ASCC2: variants seen among roughly 807,000 people sequenced by gnomAD.
The protein encoded by ASCC2 is ASC-1 complex subunit P100.
In ASCC2, 42 loss-of-function variants were observed where a neutral mutation model predicts 93.5. The ratio of observed to expected loss-of-function variants is 0.45; its 90% CI spans 0.35 to 0.58. ASCC2 has a LOEUF of 0.58. Among genes scored for constraint, ASCC2 ranks in the 20% least tolerant of loss-of-function variants. The pLI is 0.00. For synonymous variants in ASCC2, 364 were observed against 384.2 expected (o/e 0.95, Z 0.62); for missense variants, 859 against 977.6 (o/e 0.88, Z 1.62).
Position 29,792,492 on chromosome 22 carries a change from C to T in ASCC2, c.1963G>A (p.Glu655Lys). Reference protein sequence around the residue: ...PQVLRTKVPREGQEEDDDDEE... With the variant: ...PQVLRTKVPRKGQEEDDDDEE... ...TCGTCGTCATCCTCCTCCTGCCCTTCTCTAGGCACTTTGGTTCTCAGCACC... is the reference window on the plus strand; with the variant it reads ...TCGTCGTCATCCTCCTCCTGCCCTTTTCTAGGCACTTTGGTTCTCAGCACC... Residue 655 changes from glutamate to lysine, a missense_variant, in exon 18 of 20, where the codon GAA becomes AAA. Physicochemically the swap from Glu to Lys is moderately conservative, Grantham distance 56 (BLOSUM62 1). Coordinates refer to ENST00000307790, the MANE Select transcript of ASCC2 (RefSeq NM_032204.5). 6.2e-7 allele frequency: 1 copy of T among 1,614,130 alleles called. No homozygotes were observed. The highest frequency in any genetic ancestry group is 8.5e-7 in the Non-Finnish European group (1 of 1,179,992).
intron 2 of ASCC2, chr22:29,827,542 G>T: frequency 2.1e-6 from 1 of 470,472 alleles, no homozygotes; most frequent in Non-Finnish European, 4.4e-6. Context: ...TCTCATGTGG[G>T]TCTGCAGGAC....
At chr22:29,832,111 G>C (rs949028754) in intron 2 of ASCC2, 134 bp downstream of exon 2, 3 of 718,970 alleles carry the variant, frequency 4.2e-6, no homozygotes, top group African/African-American at 3.6e-5. Context: ...GAGACTAGTA[G>C]TGTCTCAGCT....
At chr22:29,834,354 C>T in intron 1 of ASCC2, 1 of 376,880 alleles carries the variant, frequency 2.7e-6, no homozygotes, top group South Asian at 2.1e-5. Context: ...GCAGAGGAAA[C>T]AGCAGAGCAA....
chr22:29,837,628 C>G (rs1257555474), intron 1 of ASCC2, among the ~76,000 whole-genome samples: 1 of 152,210 alleles, frequency 6.6e-6, no homozygotes, highest in Admixed American at 6.5e-5. Flanking sequence ...CCCGGGGCTA[C>G]TGCTCCCTCA....
chr22:29,808,428 GATAGGCTCATA>G (rs1351462303), intron 8 of ASCC2, among the ~76,000 whole-genome samples: 1 of 152,196 alleles, frequency 6.6e-6, no homozygotes, highest in Non-Finnish European at 1.5e-5. Context: ...CTGAGGCCCA[GATAGGCTCATA>G]CTAACAGAGG....
intron 5 of ASCC2, chr22:29,822,071 T>G (rs551246639): frequency 2.4e-6 from 1 of 423,010 alleles, no homozygotes; most frequent in African/African-American, 2.1e-5. Flanking sequence ...GTTCAAGTGA[T>G]TCTCCTGAAA....
chr22:29,820,909 TACACAA>T (rs1569414352), intron 5 of ASCC2, among the ~76,000 whole-genome samples: 1 of 42,260 alleles, frequency 2.4e-5, no homozygotes, highest in African/African-American at 1.1e-4. Context: ...TCCATCTCAA[TACACAA>T]AAAAAAAAAA....
At chr22:29,815,582 G>A (rs970364277) in intron 6 of ASCC2, among the ~76,000 whole-genome samples, 1 of 151,828 alleles carries the variant, frequency 6.6e-6, no homozygotes, top group African/African-American at 2.4e-5. Flanking sequence ...CTTGGTGGTG[G>A]GATTATGAGG....
intron 13 of ASCC2, among the ~76,000 whole-genome samples, chr22:29,803,898 C>T (rs1050952096): frequency 1.3e-5 from 2 of 152,192 alleles, no homozygotes. Flanking sequence ...GCCAGTCAGG[C>T]TCAGGGTATT....
intron 2 of ASCC2, chr22:29,827,411 A>T (rs2062508105): frequency 3.0e-6 from 1 of 332,450 alleles, no homozygotes; most frequent in South Asian, 2.6e-5. Flanking sequence ...CAGGGGATAT[A>T]GAAAAATTGA....
At chr22:29,801,134 A>G in intron 14 of ASCC2, 24 bp from the exon 15 acceptor site, 10 of 1,571,984 alleles carry the variant, frequency 6.4e-6, no homozygotes, top group Non-Finnish European at 7.8e-6. Flanking sequence ...ACAGAGATCA[A>G]TTTAAGGGGG....
chr22:29,806,183 G>A (rs2059653065), intron 12 of ASCC2, 33 bp downstream of exon 12: 1 of 1,606,002 alleles, frequency 6.2e-7, no homozygotes. Flanking sequence ...GTCAAGCTGG[G>A]CCCTGTCGTA....
At chr22:29,803,955 T>C (rs1267576831) in intron 13 of ASCC2, among the ~76,000 whole-genome samples, 1 of 152,200 alleles carries the variant, frequency 6.6e-6, no homozygotes, top group African/African-American at 2.4e-5. Flanking sequence ...AGGTGGGCAC[T>C]ACATCTGTCC....
At chr22:29,793,798 T>C (rs144608916) in intron 15 of ASCC2, 122 bp from the exon 16 acceptor site, 64 of 947,030 alleles carry the variant, frequency 6.8e-5, no homozygotes, top group Non-Finnish European at 9.4e-5. Flanking sequence ...CGGAGACAAA[T>C]GAAATCAAGC....
chr22:29,794,142 C>T (rs1041765138), intron 15 of ASCC2, among the ~76,000 whole-genome samples: 14 of 151,652 alleles, frequency 9.2e-5, no homozygotes, highest in Non-Finnish European at 1.6e-4. Context: ...ACCTCAGCCT[C>T]CCAAAGTGCT....
intron 8 of ASCC2, 104 bp downstream of exon 8, chr22:29,813,326 G>T: frequency 1.2e-6 from 1 of 843,634 alleles, no homozygotes; most frequent in Non-Finnish European, 2.0e-6. Flanking sequence ...AGAGGGACTG[G>T]TACATTCTAA....
At chr22:29,804,248 G>A (rs2059418198) in intron 13 of ASCC2, among the ~76,000 whole-genome samples, 1 of 152,198 alleles carries the variant, frequency 6.6e-6, no homozygotes, top group Non-Finnish European at 1.5e-5. Context: ...CCCCACGGAG[G>A]GGCTTCCAAG....
Position 29,788,890 on chromosome 22 carries a change from C to A in ASCC2, c.*123G>T, listed in dbSNP as rs1187667320. The A allele has an allele frequency of 7.1e-6, 9 of 1,266,600 alleles. No homozygotes were observed. The highest frequency in any genetic ancestry group is 1.0e-5 in the Non-Finnish European group (9 of 899,750). 78.5% of individuals were successfully genotyped at this position (1,266,600 alleles called of 1,614,324 possible). ...TGAGAGGCGGCCTTCTCAGGGGCTG[C>A]AAAGCTGAGGCTGTTGAGGGGTTGA... On this transcript the variant is annotated 3_prime_UTR_variant, in exon 20 of 20. Coordinates refer to ENST00000307790, the MANE Select transcript of ASCC2 (RefSeq NM_032204.5).
rs1188822541 is a variant in ASCC2, at chr22:29,793,312, GC to G, written c.1919+47del. 5.6e-6 allele frequency: 9 copies of G among 1,607,358 alleles called. No individual in the cohort carries two copies. The Admixed American group carries it at 8.3e-5, about 15-fold the overall frequency. On this transcript the variant is annotated intron_variant, in intron 17 of 19. Transcript: ENST00000307790. ...ACAAGTGGGTGAGGGAGCCCCATGG[GC>G]CTGAGAGCTGCTCTGCCCTGGAACG...
Sources: allele counts gnomAD v4.1 joint callset (sites outside exome capture counted in the v4.1 genomes callset), GRCh38; gene constraint gnomAD v4.1.1; transcripts MANE v1.5; gene names NCBI Gene and HGNC (gene_info 2026-07-23, HGNC 2026-07-21).